Variants in TMEM132B observed in about 807,000 individuals in gnomAD.
TMEM132B encodes transmembrane protein 132B.
A neutral mutation model predicts 90.8 loss-of-function variants in TMEM132B; 18 were observed. That is an observed-to-expected ratio of 0.20 (90% CI 0.14 to 0.29). The LOEUF (loss-of-function observed/expected upper bound fraction) is 0.29. Among genes scored for constraint, TMEM132B ranks in the 10% least tolerant of loss-of-function variants. The probability of loss-of-function intolerance (pLI) is 1.00; values close to 1 mark genes in which losing one functional copy is unlikely to be tolerated. For synonymous variants in TMEM132B, 504 were observed against 523.3 expected (o/e 0.96, Z 0.50); for missense variants, 1,096 against 1,326.8 (o/e 0.83, Z 2.70).
intron 3 of TMEM132B, among the ~76,000 whole-genome samples, chr12:125,514,326 C>T (rs1015699731): frequency 6.6e-6 from 1 of 152,144 alleles, no homozygotes; most frequent in African/African-American, 2.4e-5. Flanking sequence ...ACAGTCAGGG[C>T]AGCAGTAGTA....
At chr12:125,564,866 G>A (rs1166221289) in intron 4 of TMEM132B, among the ~76,000 whole-genome samples, 13 of 152,200 alleles carry the variant, frequency 8.5e-5, no homozygotes, top group South Asian at 4.1e-4. Flanking sequence ...AAGAGGGGGC[G>A]TTTACAGAGT....
At chr12:125,466,232 C>G (rs1312841044) in intron 3 of TMEM132B, among the ~76,000 whole-genome samples, 3 of 152,182 alleles carry the variant, frequency 2.0e-5, no homozygotes, top group African/African-American at 4.8e-5. Context: ...CACTTCTGGC[C>G]ATTCCCTGTT....
At chr12:125,317,589 CA>C (rs746605246) in intron 1 of TMEM132B, among the ~76,000 whole-genome samples, 7 of 152,038 alleles carry the variant, frequency 4.6e-5, no homozygotes, top group Non-Finnish European at 1.0e-4. Context: ...GCCTTCCCAC[CA>C]TGGGGTCATA....
At chr12:125,323,368 G>A (rs986412462) in intron 1 of TMEM132B, among the ~76,000 whole-genome samples, 2 of 152,038 alleles carry the variant, frequency 1.3e-5, no homozygotes, top group Non-Finnish European at 2.9e-5. Context: ...CCCGGGAGGC[G>A]GAGGTTACAC....
intron 1 of TMEM132B, among the ~76,000 whole-genome samples, chr12:125,295,754 C>T (rs535433320): frequency 5.3e-5 from 8 of 152,262 alleles, no homozygotes; most frequent in South Asian, 2.1e-4. Context: ...TACTGTGCAT[C>T]GGTGGCTGGG....
At chr12:125,231,662 T>C (rs1873827079) in intron 1 of TMEM132B, among the ~76,000 whole-genome samples, 1 of 152,154 alleles carries the variant, frequency 6.6e-6, no homozygotes, top group African/African-American at 2.4e-5. Flanking sequence ...GCCGCTCTGA[T>C]TGGAACCAGG....
At chr12:125,632,704 A>G (rs545709592) in intron 5 of TMEM132B, among the ~76,000 whole-genome samples, 1 of 152,168 alleles carries the variant, frequency 6.6e-6, no homozygotes, top group African/African-American at 2.4e-5. Context: ...TCAGCACTTT[A>G]AATATGTCAT....
rs187997941 is a variant in TMEM132B, at chr12:125,205,756, C to T, written c.67+18890C>T. On this transcript the variant is annotated intron_variant, in intron 1 of 8. Transcript: ENST00000682704. ...CAGAGCCAGCTGGCAGCTGTATGGC[C>T]TTTTATGACCCAGCCTTGGAAACCA... 2.2e-3 allele frequency among the ~76,000 whole-genome samples: 342 copies of T among 152,356 alleles called. 8 individuals carry two copies. The highest frequency in any genetic ancestry group is 0.019 in the Admixed American group (298 of 15,308).
Position 125,660,563 on chromosome 12 carries a change from A to AT in TMEM132B, c.*5853_*5854insT, listed in dbSNP as rs1887186661. 1 of 152,160 alleles carries AT rather than the reference A, an allele frequency of 6.6e-6. No individual in the cohort carries two copies. The highest frequency in any genetic ancestry group is 2.4e-5 in the African/African-American group (1 of 41,444). 9.4% of individuals were successfully genotyped at this position (152,160 alleles called of 1,614,324 possible). ...GAAATTTTTAAAAATACAAAAAAAA[A>AT]GCGCAGAAACATTTTCATCTGGGTT... On this transcript the variant is annotated 3_prime_UTR_variant, in exon 9 of 9. Coordinates refer to ENST00000682704, the MANE Select transcript of TMEM132B (RefSeq NM_001366854.1).
chr12:125,645,032 A>G (rs970025343), intron 6 of TMEM132B, among the ~76,000 whole-genome samples: 1 of 150,746 alleles, frequency 6.6e-6, no homozygotes, highest in African/African-American at 2.5e-5. Context: ...CCTGGCTAAC[A>G]TGGTGAAAGC....
intron 5 of TMEM132B, among the ~76,000 whole-genome samples, chr12:125,594,570 C>T (rs1240562243): frequency 6.6e-6 from 1 of 152,164 alleles, no homozygotes; most frequent in Non-Finnish European, 1.5e-5. Context: ...TAATATTAGC[C>T]TTCCTATTGG....
At chr12:125,230,741 T>C (rs941670615) in intron 1 of TMEM132B, among the ~76,000 whole-genome samples, 2 of 151,772 alleles carry the variant, frequency 1.3e-5, no homozygotes, top group African/African-American at 4.8e-5. Context: ...CCTGACCTCA[T>C]GATCCGCCCG....
At chr12:125,621,330 G>T (rs1403534286) in intron 5 of TMEM132B, among the ~76,000 whole-genome samples, 1 of 152,078 alleles carries the variant, frequency 6.6e-6, no homozygotes, top group Non-Finnish European at 1.5e-5. Flanking sequence ...AGACAGAGAA[G>T]AACATAAGAG....
intron 5 of TMEM132B, among the ~76,000 whole-genome samples, chr12:125,618,914 G>A (rs1298344666): frequency 6.6e-6 from 1 of 152,118 alleles, no homozygotes; most frequent in African/African-American, 2.4e-5. Flanking sequence ...ATCAATATTA[G>A]TTATTATTTT....
At chr12:125,556,019 A>C (rs1812987529) in intron 4 of TMEM132B, among the ~76,000 whole-genome samples, 1 of 152,230 alleles carries the variant, frequency 6.6e-6, no homozygotes, top group South Asian at 2.1e-4. Context: ...TCTTTGGAGA[A>C]GAGGTCTAAC....
intron 1 of TMEM132B, among the ~76,000 whole-genome samples, chr12:125,230,126 A>G (rs1159450351): frequency 6.6e-6 from 1 of 152,222 alleles, no homozygotes; most frequent in Non-Finnish European, 1.5e-5. Context: ...GGCAAAAACA[A>G]CAGATGTCTC....
At chr12:125,324,040 C>T (rs1010356104) in intron 1 of TMEM132B, among the ~76,000 whole-genome samples, 1 of 151,996 alleles carries the variant, frequency 6.6e-6, no homozygotes, top group Non-Finnish European at 1.5e-5. Flanking sequence ...TACACACACA[C>T]AACGGGGGCA....
At chr12:125,644,992 C>T (rs866279997) in intron 6 of TMEM132B, among the ~76,000 whole-genome samples, 15 of 151,532 alleles carry the variant, frequency 9.9e-5, no homozygotes, top group African/African-American at 2.7e-4. Context: ...CCAAGGCAGG[C>T]GGATCACGAG....
At chr12:125,613,170 T>G (rs1444740751) in intron 5 of TMEM132B, among the ~76,000 whole-genome samples, 1 of 123,674 alleles carries the variant, frequency 8.1e-6, no homozygotes, top group Non-Finnish European at 1.6e-5. Flanking sequence ...ATTTATATAT[T>G]ATATATAAAT....
Sources: allele counts gnomAD v4.1 joint callset (sites outside exome capture counted in the v4.1 genomes callset), GRCh38; gene constraint gnomAD v4.1.1; transcripts MANE v1.5; gene names NCBI Gene and HGNC (gene_info 2026-07-23, HGNC 2026-07-21).